RORA: variants seen among roughly 807,000 people sequenced by gnomAD.
RORA encodes RAR related orphan receptor A.
Under a neutral mutation model 69.5 loss-of-function variants are expected in RORA, and 7 were observed. The observed-to-expected ratio is 0.10, with a 90% CI of 0.06 to 0.19. The LOEUF (loss-of-function observed/expected upper bound fraction) is 0.19. Ranked by LOEUF, RORA falls within the 10% of genes least tolerant of loss-of-function variation. The probability of loss-of-function intolerance (pLI) is 1.00; values close to 1 mark genes in which losing one functional copy is unlikely to be tolerated. For missense variants in RORA, 457 were observed against 663.0 expected (o/e 0.69, Z 3.41); for synonymous variants, 261 against 240.8 (o/e 1.08, Z -0.78).
At chr15:60,769,595 G>C (rs1322631572) in intron 1 of RORA, among the ~76,000 whole-genome samples, 1 of 152,154 alleles carries the variant, frequency 6.6e-6, no homozygotes, top group African/African-American at 2.4e-5. Flanking sequence ...GGTCTCAGTG[G>C]ATTCCTTCTT....
intron 10 of RORA, among the ~76,000 whole-genome samples, chr15:60,498,966 T>G (rs2065248404): frequency 6.6e-6 from 1 of 152,246 alleles, no homozygotes; most frequent in South Asian, 2.1e-4. Context: ...CAGGGCTGAT[T>G]GTTCTAAGAC....
intron 2 of RORA, among the ~76,000 whole-genome samples, chr15:60,558,619 T>C (rs963955056): frequency 6.6e-6 from 1 of 152,256 alleles, no homozygotes; most frequent in Non-Finnish European, 1.5e-5. Context: ...ACTTCATTAG[T>C]AATGTTCAAC....
intron 1 of RORA, among the ~76,000 whole-genome samples, chr15:60,799,866 T>G (rs1332878358): frequency 6.6e-6 from 1 of 152,220 alleles, no homozygotes; most frequent in East Asian, 1.9e-4. Context: ...TAGGAATGGA[T>G]CAGTCTTTGT....
At position 61,147,346 on chromosome 15, in the gene RORA, GTT is replaced by G. The variant is rs1237837144; in HGVS notation, c.166+81705_166+81706del. Reference sequence around the variant, plus strand: ...AGTCCCACTAGGCTTGGCTCTTCCAGTTCCTGCTGGAAGCCATGTTGCCTGGG... The same window carrying G: ...AGTCCCACTAGGCTTGGCTCTTCCAGCCTGCTGGAAGCCATGTTGCCTGGG... On this transcript the variant is annotated intron_variant, in intron 1 of 10. Coordinates refer to ENST00000335670, the MANE Select transcript of RORA (RefSeq NM_134261.3). This position sits in a 1 kb window ranked among gnomAD's most constrained non-coding sequence, Gnocchi z 4.1. 3.9e-5 allele frequency among the ~76,000 whole-genome samples: 6 copies of G among 152,152 alleles called. No individual in the cohort carries two copies. Among genetic ancestry groups the G allele is most frequent in the African/African-American group, 1.4e-4 (6 of 41,420 alleles).
At chr15:61,117,266 G>C (rs964010197) in intron 1 of RORA, among the ~76,000 whole-genome samples, 2 of 148,482 alleles carry the variant, frequency 1.3e-5, no homozygotes, top group Non-Finnish European at 3.0e-5. Context: ...CAAAGATTCT[G>C]CTAATGTTAG....
chr15:60,769,119 G>A (rs565003422), intron 1 of RORA, among the ~76,000 whole-genome samples: 61 of 152,288 alleles, frequency 4.0e-4, no homozygotes, highest in African/African-American at 1.4e-3. Flanking sequence ...GTAAAGAAGG[G>A]CCACCCCTTT....
At position 60,537,159 on chromosome 15, in the gene RORA, G is replaced by A. The variant is rs777679112; in HGVS notation, c.197-5308C>T. Among the ~76,000 whole-genome samples the A allele has an allele frequency of 6.6e-6, 1 of 152,156 alleles. No individual in the cohort carries two copies. Among genetic ancestry groups the A allele is most frequent in the Non-Finnish European group, 1.5e-5 (1 of 68,016 alleles). ...CCTGGCTTGCGTGTCAAGGTTAGCC[G>A]GGGGAGAGCTGCAGAGTCTTCACCT... On this transcript the variant is annotated intron_variant, in intron 2 of 10. Transcript: ENST00000335670. The surrounding 1 kb of genome is among the most constrained non-coding windows in gnomAD (Gnocchi z 4.9).
intron 1 of RORA, among the ~76,000 whole-genome samples, chr15:60,710,539 C>G (rs761839259): frequency 2.4e-4 from 37 of 152,166 alleles, no homozygotes; most frequent in Non-Finnish European, 5.9e-5. Flanking sequence ...ACAGACAATG[C>G]TGCCACTGTA....
chr15:60,829,137 G>A (rs1037401065), intron 1 of RORA, among the ~76,000 whole-genome samples: 32 of 152,240 alleles, frequency 2.1e-4, no homozygotes, highest in African/African-American at 7.7e-4. Flanking sequence ...GGCCCACTCT[G>A]GTTCAAGCCT....
At chr15:61,046,892 C>A (rs1337525762) in intron 1 of RORA, among the ~76,000 whole-genome samples, 1 of 152,192 alleles carries the variant, frequency 6.6e-6, no homozygotes, top group African/African-American at 2.4e-5. Context: ...TCAGAGCCAG[C>A]CTCCTGCCAA....
At chr15:61,164,467 T>C (rs2079524294) in intron 1 of RORA, among the ~76,000 whole-genome samples, 1 of 152,170 alleles carries the variant, frequency 6.6e-6, no homozygotes, top group Non-Finnish European at 1.5e-5. Flanking sequence ...ACCTAAGCAA[T>C]GCAACCATTG....
At chr15:61,127,987 A>G (rs1185073059) in intron 1 of RORA, among the ~76,000 whole-genome samples, 1 of 152,200 alleles carries the variant, frequency 6.6e-6, no homozygotes, top group African/African-American at 2.4e-5. Context: ...GACAGGTGCT[A>G]ATTAATCTAC....
intron 1 of RORA, among the ~76,000 whole-genome samples, chr15:61,009,842 C>T (rs910289657): frequency 1.3e-5 from 2 of 152,066 alleles, no homozygotes; most frequent in South Asian, 2.1e-4. Flanking sequence ...ACATGGGCTT[C>T]GACATGTCAG....
At chr15:60,871,642 G>T (rs1454873530) in intron 1 of RORA, among the ~76,000 whole-genome samples, 4 of 152,202 alleles carry the variant, frequency 2.6e-5, no homozygotes, top group Non-Finnish European at 4.4e-5. Context: ...ACTTAAGAAA[G>T]GAAGACTTTT....
At chr15:60,745,948 GA>G (rs750269077) in intron 1 of RORA, among the ~76,000 whole-genome samples, 3 of 151,916 alleles carry the variant, frequency 2.0e-5, no homozygotes, top group South Asian at 4.2e-4. Flanking sequence ...TGTACACTAT[GA>G]AAAAAATGTC....
At chr15:60,575,463 G>C (rs1445077559) in intron 2 of RORA, among the ~76,000 whole-genome samples, 1 of 152,062 alleles carries the variant, frequency 6.6e-6, no homozygotes, top group Non-Finnish European at 1.5e-5. Flanking sequence ...TAAACAAAAT[G>C]TTTAGTAAAT....
intron 1 of RORA, among the ~76,000 whole-genome samples, chr15:60,904,699 C>T (rs568542870): frequency 5.3e-5 from 8 of 152,308 alleles, no homozygotes; most frequent in African/African-American, 1.9e-4. Flanking sequence ...CTACTCTATT[C>T]AAACTACCCA....
chr15:61,193,194 C>G (rs1257168648), intron 1 of RORA, among the ~76,000 whole-genome samples: 3 of 152,152 alleles, frequency 2.0e-5, no homozygotes, highest in African/African-American at 7.2e-5. Context: ...TCCTGAAATA[C>G]TTGTACTTCT....
At chr15:60,956,584 G>A (rs1893274052) in intron 1 of RORA, among the ~76,000 whole-genome samples, 1 of 152,162 alleles carries the variant, frequency 6.6e-6, no homozygotes, top group Non-Finnish European at 1.5e-5. Context: ...TGATGCACAG[G>A]TTTCATAAAT....
Sources: gnomAD v4.1 joint callset for allele counts (sites outside exome capture counted in the v4.1 genomes callset) on GRCh38, gnomAD v4.1.1 for gene constraint, Gnocchi (gnomAD v3.1) non-coding constraint, MANE v1.5 for transcripts, NCBI Gene and HGNC (gene_info 2026-07-23, HGNC 2026-07-21) for gene names.